Variants in TENM4 observed in about 807,000 individuals in gnomAD.
TENM4 encodes the protein teneurin transmembrane protein 4, also known as teneurin-4.
In TENM4, 82 loss-of-function variants were observed where a neutral mutation model predicts 243.3. That is an observed-to-expected ratio of 0.34 (90% confidence interval 0.28 to 0.40). The LOEUF is 0.40. Among genes scored for constraint, TENM4 ranks in the 10% least tolerant of loss-of-function variants. The pLI is 1.00. For missense variants in TENM4, 3,138 were observed against 3,673.3 expected (o/e 0.85, Z 3.77); for synonymous variants, 1,412 against 1,456.3 (o/e 0.97, Z 0.69).
intron 18 of TENM4, among the ~76,000 whole-genome samples, chr11:78,762,695 C>A (rs1856456129): frequency 6.6e-6 from 1 of 152,176 alleles, no homozygotes; most frequent in African/African-American, 2.4e-5. Flanking sequence ...ATGAGTAGGG[C>A]TTACAGCATT....
chr11:78,872,506 T>C (rs1294605853), intron 9 of TENM4, among the ~76,000 whole-genome samples: 3 of 152,212 alleles, frequency 2.0e-5, no homozygotes, highest in Non-Finnish European at 4.4e-5. Context: ...AAGTGTGCCA[T>C]CATCACATTC....
At chr11:79,351,997 A>G (rs1857422301) in intron 1 of TENM4, among the ~76,000 whole-genome samples, 1 of 152,206 alleles carries the variant, frequency 6.6e-6, no homozygotes. Context: ...ACTAAACATC[A>G]GTTTTCTGAT....
chr11:78,952,357 T>C (rs1233610009), intron 6 of TENM4, among the ~76,000 whole-genome samples: 1 of 152,176 alleles, frequency 6.6e-6, no homozygotes, highest in African/African-American at 2.4e-5. Flanking sequence ...GAAGAAGGGC[T>C]GGGGCTGCCC....
At chr11:79,148,897 G>T in intron 3 of TENM4, 91 bp from the exon 4 acceptor site, 1 of 284,036 alleles carries the variant, frequency 3.5e-6, no homozygotes, top group Non-Finnish European at 5.3e-6. Flanking sequence ...CTTGGGAGGT[G>T]GGGGTGAGAC....
At chr11:78,936,154 G>A (rs1856778887) in intron 6 of TENM4, among the ~76,000 whole-genome samples, 1 of 152,196 alleles carries the variant, frequency 6.6e-6, no homozygotes, top group African/African-American at 2.4e-5. Context: ...CCCAGCACAT[G>A]TCAATAACTG....
intron 2 of TENM4, among the ~76,000 whole-genome samples, chr11:79,267,104 C>G (rs1855895801): frequency 6.6e-6 from 1 of 152,154 alleles, no homozygotes; most frequent in Admixed American, 6.5e-5. Flanking sequence ...AAAGTGAGAC[C>G]TGTTTGTCAC....
chr11:79,369,398 C>A lies in TENM4; in HGVS notation c.-321+71111G>T, dbSNP rs568931058. On this transcript the variant is annotated intron_variant, in intron 1 of 33. Coordinates refer to ENST00000278550, the MANE Select transcript of TENM4 (RefSeq NM_001098816.3). The stretch of plus-strand genomic sequence containing the variant: ...GCGCATTACATTTCAGCATGATTAA[C>A]ACTGCTTTCACTTTTTTTTTCTTTT... Among the ~76,000 whole-genome samples the A allele has an allele frequency of 2.6e-5, 4 of 152,160 alleles. No individual in the cohort carries two copies. The South Asian group carries it at 8.3e-4, about 32-fold the overall frequency.
rs72172542 is a variant in TENM4, at chr11:78,750,849, T to TTGTGTGTGTGTGTG, written c.2756+5942_2756+5955dup. Among the ~76,000 whole-genome samples, 296 of 145,770 alleles carry TTGTGTGTGTGTGTG rather than the reference T, an allele frequency of 2.0e-3. 1 individual carries two copies. Among genetic ancestry groups the TTGTGTGTGTGTGTG allele is most frequent in the African/African-American group, 7.1e-3 (279 of 39,568 alleles). ...CTGGTCAATATTTACCAAATGAGGCTTGTGTGTGTGTGTGTGTGTGTGTGT... is the reference window on the plus strand; with the variant it reads ...CTGGTCAATATTTACCAAATGAGGCTTGTGTGTGTGTGTGTGTGTGTGTGTGTGTGTGTGTGTGT... On this transcript the variant is annotated intron_variant, in intron 19 of 33. Coordinates refer to ENST00000278550, the MANE Select transcript of TENM4 (RefSeq NM_001098816.3).
In TENM4 at chr11:79,217,440, G is replaced by A. The variant is rs567277758; in HGVS notation, c.-264-1531C>T. Among the ~76,000 whole-genome samples, 22 of 152,270 alleles carry A rather than the reference G, an allele frequency of 1.4e-4. No homozygotes were observed. The South Asian group carries it at 4.3e-3, about 30-fold the overall frequency. On this transcript the variant is annotated intron_variant, in intron 2 of 33. Transcript: ENST00000278550. ...CCCCCAAAAAGCCATTATTTGAGAA[G>A]TTCCCTGAATTCATTTTTCCCAAAT...
chr11:78,998,291 C>T (rs1432456031), intron 6 of TENM4, among the ~76,000 whole-genome samples: 1 of 152,160 alleles, frequency 6.6e-6, no homozygotes, highest in African/African-American at 2.4e-5. Flanking sequence ...AGTCACTTAG[C>T]CTCTCTGAGC....
chr11:79,247,864 T>C (rs888845504), intron 2 of TENM4, among the ~76,000 whole-genome samples: 1 of 152,252 alleles, frequency 6.6e-6, no homozygotes, highest in African/African-American at 2.4e-5. Context: ...TAGAGTTATA[T>C]GTTCTTTCCT....
At chr11:78,824,014 C>G (rs1225248326) in intron 12 of TENM4, among the ~76,000 whole-genome samples, 4 of 152,128 alleles carry the variant, frequency 2.6e-5, no homozygotes, top group African/African-American at 9.7e-5. Context: ...CAGATACTTG[C>G]CTAAGTTGAT....
intron 3 of TENM4, among the ~76,000 whole-genome samples, chr11:79,159,093 G>C (rs2135079394): frequency 6.6e-6 from 1 of 152,288 alleles, no homozygotes; most frequent in African/African-American, 2.4e-5. Flanking sequence ...TTCCTCTTCT[G>C]TGGTGGTGAC....
chr11:78,778,311 G>C (rs1403683613), intron 17 of TENM4, among the ~76,000 whole-genome samples: 1 of 102,254 alleles, frequency 9.8e-6, no homozygotes, highest in East Asian at 4.1e-4. Context: ...AGAGTGAAAG[G>C]TGTATGTATG....
chr11:79,361,643 A>T (rs1857591137), intron 1 of TENM4, among the ~76,000 whole-genome samples: 1 of 152,214 alleles, frequency 6.6e-6, no homozygotes, highest in Admixed American at 6.5e-5. Context: ...TTTCCTGCAG[A>T]GACCCTGAAT....
chr11:79,078,903 A>T (rs192207583), intron 4 of TENM4, among the ~76,000 whole-genome samples: 7 of 152,350 alleles, frequency 4.6e-5, no homozygotes, highest in African/African-American at 1.7e-4. Flanking sequence ...TCTGACCCCA[A>T]GGTTCAAGCT....
At position 78,676,168 on chromosome 11, in the gene TENM4, A is replaced by G; in HGVS notation, c.5480T>C (p.Phe1827Ser). The G allele has an allele frequency of 6.6e-7, 1 of 1,526,552 alleles. No individual in the cohort carries two copies. Among genetic ancestry groups the G allele is most frequent in the Non-Finnish European group, 8.9e-7 (1 of 1,126,304 alleles). The allele number at this position is 1,526,552 out of a possible 1,614,324, so 94.6% of individuals were successfully genotyped here. Residue 1827 changes from phenylalanine (F) to serine (S), a missense_variant, in exon 30 of 34, where the codon TTT (phenylalanine) becomes TCT (serine). Phe to Ser is a radical substitution (Grantham distance 155). Transcript: ENST00000278550. Reference protein sequence around the residue: ...KEQARGQVTVFGRRLRVHNRN... With the variant: ...KEQARGQVTVSGRRLRVHNRN... ...CTCGCTCACCCGCAGCCGGCGCCCA[A>G]AGACAGTGACCTGGCCCCGAGCCTG...
intron 3 of TENM4, among the ~76,000 whole-genome samples, chr11:79,174,015 T>A (rs1863106040): frequency 6.6e-6 from 1 of 152,192 alleles, no homozygotes; most frequent in African/African-American, 2.4e-5. Flanking sequence ...AAAGCATCAT[T>A]TATTCCAGGA....
At chr11:79,194,756 C>G (rs1863586899) in intron 3 of TENM4, among the ~76,000 whole-genome samples, 1 of 152,178 alleles carries the variant, frequency 6.6e-6, no homozygotes, top group South Asian at 2.1e-4. Context: ...AAATCTGCAG[C>G]CTATGTGACA....
Sources: allele counts gnomAD v4.1 joint callset (sites outside exome capture counted in the v4.1 genomes callset), GRCh38; gene constraint gnomAD v4.1.1; transcripts MANE v1.5; gene names NCBI Gene and HGNC (gene_info 2026-07-23, HGNC 2026-07-21).